The following NR3C2 variants were observed in gnomAD, a reference collection of about 807,000 sequenced individuals.
NR3C2 encodes the protein mineralocorticoid receptor.
A neutral mutation model predicts 86.4 loss-of-function variants in NR3C2; 15 were observed. The ratio of observed to expected loss-of-function variants is 0.17; its 90% CI spans 0.12 to 0.27. NR3C2 has a LOEUF of 0.27. NR3C2 is among the 10% of genes least tolerant of loss of function. The pLI, the probability that NR3C2 is intolerant of heterozygous loss-of-function variation, is 1.00. For synonymous variants in NR3C2, 458 were observed against 450.5 expected (o/e 1.02, Z -0.21); for missense variants, 960 against 1,195.6 (o/e 0.80, Z 2.91).
intron 2 of NR3C2, among the ~76,000 whole-genome samples, chr4:148,375,545 T>C (rs141998812): frequency 2.0e-4 from 30 of 152,206 alleles, no homozygotes; most frequent in African/African-American, 7.2e-4. Context: ...TTTGACAAGA[T>C]GGTATTTACA....
chr4:148,329,833 A>G (rs1744146085), intron 2 of NR3C2, among the ~76,000 whole-genome samples: 1 of 152,238 alleles, frequency 6.6e-6, no homozygotes, highest in Non-Finnish European at 1.5e-5. Flanking sequence ...TGATTTTTCC[A>G]TGAACTTTAA....
intron 2 of NR3C2, among the ~76,000 whole-genome samples, chr4:148,271,587 T>A (rs1261927395): frequency 6.6e-6 from 1 of 152,144 alleles, no homozygotes; most frequent in East Asian, 1.9e-4. Flanking sequence ...TCTTGCACGC[T>A]ACTCTATTTT....
intron 2 of NR3C2, among the ~76,000 whole-genome samples, chr4:148,361,501 G>C (rs112118829): frequency 3.3e-5 from 5 of 152,142 alleles, no homozygotes; most frequent in Non-Finnish European, 5.9e-5. Flanking sequence ...TGCCCTTAGG[G>C]GCCTCTGAGA....
chr4:148,284,276 A>C (rs1741403283), intron 2 of NR3C2, among the ~76,000 whole-genome samples: 1 of 151,898 alleles, frequency 6.6e-6, no homozygotes, highest in Non-Finnish European at 1.5e-5. Flanking sequence ...CCAACCCTCT[A>C]CTCTGAAGGA....
rs1224666072 is a variant in NR3C2 at position 148,080,839 on chromosome 4, TTATTACACAACAGGAATCTGTATA to T, written c.*481_*504del. On this transcript the variant is annotated 3_prime_UTR_variant, in exon 9 of 9. Transcript: ENST00000358102. ...CTGCTGCCCCACGCCACGAGTTCTG[TTATTACACAACAGGAATCTGTATA>T]TATTTTTTTATTATTTTTTTGTGTT... is the stretch of plus-strand genomic sequence containing the variant. 7.1e-6 allele frequency: 3 copies of T among 420,210 alleles called. No individual in the cohort carries two copies. The highest frequency in any genetic ancestry group is 6.1e-5 in the African/African-American group (3 of 48,812). The allele number at this position is 420,210 out of a possible 1,614,324, so 26.0% of individuals were successfully genotyped here. A position where few individuals can be genotyped will look rare whatever the true frequency, so the allele number is the denominator to read the frequency against.
intron 3 of NR3C2, among the ~76,000 whole-genome samples, chr4:148,206,895 AG>A (rs1737035151): frequency 6.6e-6 from 1 of 152,144 alleles, no homozygotes; most frequent in Admixed American, 6.5e-5. Context: ...GGGTTAGGCA[AG>A]TTACATTCTT....
At chr4:148,365,238 A>C (rs1746051677) in intron 2 of NR3C2, among the ~76,000 whole-genome samples, 1 of 152,200 alleles carries the variant, frequency 6.6e-6, no homozygotes, top group Admixed American at 6.5e-5. Context: ...GGGGATGCTG[A>C]ATATACTGTG....
At chr4:148,161,692 C>T (rs986549527) in intron 4 of NR3C2, among the ~76,000 whole-genome samples, 2 of 152,062 alleles carry the variant, frequency 1.3e-5, no homozygotes, top group Non-Finnish European at 2.9e-5. Flanking sequence ...AAATTTGTTG[C>T]AATTGTTATA....
chr4:148,177,209 A>G (rs1245377741), intron 4 of NR3C2, among the ~76,000 whole-genome samples: 2 of 152,346 alleles, frequency 1.3e-5, no homozygotes, highest in Non-Finnish European at 2.9e-5. Context: ...ACTCTCCTTT[A>G]TTAATCATGG....
At chr4:148,348,484 C>T (rs992556) in intron 2 of NR3C2, among the ~76,000 whole-genome samples, 59,886 of 151,982 alleles carry the variant, frequency 0.39, 13,831 homozygotes, top group East Asian at 0.73. Context: ...TCCAAATTCA[C>T]GAAATTTATT....
At chr4:148,099,700 A>T (rs1279864776) in intron 8 of NR3C2, among the ~76,000 whole-genome samples, 1 of 152,200 alleles carries the variant, frequency 6.6e-6, no homozygotes, top group Non-Finnish European at 1.5e-5. Context: ...ATTATATTGT[A>T]AGAAGAGGGA....
intron 2 of NR3C2, among the ~76,000 whole-genome samples, chr4:148,325,012 T>C (rs1344648138): frequency 2.6e-5 from 4 of 152,306 alleles, no homozygotes; most frequent in African/African-American, 9.6e-5. Flanking sequence ...TACAAATGAC[T>C]GGATTATTCG....
chr4:148,415,583 G>C (rs529225614), intron 2 of NR3C2, among the ~76,000 whole-genome samples: 25 of 152,212 alleles, frequency 1.6e-4, no homozygotes, highest in South Asian at 8.3e-4. Flanking sequence ...TTCTCAGGGG[G>C]CATGTGCAGG....
chr4:148,309,731 A>C (rs1022275706), intron 2 of NR3C2, among the ~76,000 whole-genome samples: 3 of 152,354 alleles, frequency 2.0e-5, no homozygotes, highest in East Asian at 1.9e-4. Context: ...TCTTCATATT[A>C]TCTCTCTCAT....
chr4:148,329,216 A>G (rs751588721), intron 2 of NR3C2, among the ~76,000 whole-genome samples: 3 of 152,296 alleles, frequency 2.0e-5, no homozygotes, highest in Non-Finnish European at 4.4e-5. Flanking sequence ...GAATTTTCCA[A>G]TGTAAGAACC....
At chr4:148,221,809 G>T (rs1180231121) in intron 3 of NR3C2, among the ~76,000 whole-genome samples, 1 of 150,992 alleles carries the variant, frequency 6.6e-6, no homozygotes, top group African/African-American at 2.4e-5. Context: ...CAGGAGAATT[G>T]GTTGAACCTA....
At chr4:148,250,165 T>G (rs1406643538) in intron 3 of NR3C2, among the ~76,000 whole-genome samples, 49 of 152,102 alleles carry the variant, frequency 3.2e-4, no homozygotes, top group Admixed American at 3.2e-3. Flanking sequence ...CTCTTTTTCC[T>G]ATCTAACAAG....
intron 2 of NR3C2, among the ~76,000 whole-genome samples, chr4:148,378,108 A>T (rs1746770039): frequency 6.6e-6 from 1 of 152,218 alleles, no homozygotes; most frequent in Admixed American, 6.5e-5. Context: ...TGTTATAGGA[A>T]TATCAATGAG....
intron 3 of NR3C2, among the ~76,000 whole-genome samples, chr4:148,229,665 G>C (rs954146105): frequency 2.6e-5 from 4 of 152,120 alleles, no homozygotes; most frequent in Non-Finnish European, 4.4e-5. Flanking sequence ...TGATAGCCAG[G>C]TCTCCCAGTT....
Sources: allele counts gnomAD v4.1 joint callset (sites outside exome capture counted in the v4.1 genomes callset), GRCh38; gene constraint gnomAD v4.1.1; transcripts MANE v1.5; gene names NCBI Gene and HGNC (gene_info 2026-07-23, HGNC 2026-07-21).